SREBF2: variants seen among roughly 807,000 people sequenced by gnomAD.
The protein encoded by SREBF2 is sterol regulatory element-binding protein 2.
Under a neutral mutation model 113.1 loss-of-function variants are expected in SREBF2, and 55 were observed. That is an observed-to-expected ratio of 0.49 (90% CI 0.39 to 0.61). The LOEUF is 0.61. Ranked by LOEUF, SREBF2 falls within the 20% of genes least tolerant of loss-of-function variation. The pLI is 0.00. For synonymous variants in SREBF2, 593 were observed against 605.7 expected (o/e 0.98, Z 0.31); for missense variants, 1,349 against 1,487.4 (o/e 0.91, Z 1.53).
intron 1 of SREBF2, among the ~76,000 whole-genome samples, chr22:41,842,154 A>T (rs1169760101): frequency 6.6e-6 from 1 of 152,234 alleles, no homozygotes; most frequent in African/African-American, 2.4e-5. Flanking sequence ...TAGTACATTC[A>T]TATGAATCAA....
intron 11 of SREBF2, among the ~76,000 whole-genome samples, chr22:41,887,159 G>A (rs533853371): frequency 6.6e-6 from 1 of 152,060 alleles, no homozygotes; most frequent in Non-Finnish European, 1.5e-5. Context: ...AGGTTGTAAT[G>A]AGCCAAGATT....
Position 41,867,010 on chromosome 22 carries a change from C to T in SREBF2, c.268C>T (p.Arg90Trp), listed in dbSNP as rs1346881972. Reference sequence around the variant, plus strand: ...CGGAGCTGTGGACCCTTCAGTGCAACGGTCATTCACCCAGGTCACATTACC... The same window carrying T: ...CGGAGCTGTGGACCCTTCAGTGCAATGGTCATTCACCCAGGTCACATTACC... ...SSGAVDPSVQ[R>W]SFTQVTLPSF... The change falls in exon 2 of 19, where the codon CGG becomes TGG. Residue 90 changes from arginine (R) to tryptophan (W), a missense_variant. Arg to Trp is a moderately radical substitution (Grantham distance 101). Coordinates refer to ENST00000361204, the MANE Select transcript of SREBF2 (RefSeq NM_004599.4). The T allele has an allele frequency of 9.9e-6, 16 of 1,613,894 alleles. No individual in the cohort carries two copies. The highest frequency in any genetic ancestry group is 1.4e-5 in the Non-Finnish European group (16 of 1,179,908).
At chr22:41,834,036 TG>T (rs1291709331) in intron 1 of SREBF2, 1 of 152,660 alleles carries the variant, frequency 6.6e-6, no homozygotes, top group Non-Finnish European at 1.5e-5. Flanking sequence ...GGGTACGGGC[TG>T]GGGAGCGGGT....
intron 11 of SREBF2, among the ~76,000 whole-genome samples, chr22:41,888,125 A>C (rs1041918470): frequency 1.3e-5 from 2 of 152,224 alleles, no homozygotes; most frequent in Non-Finnish European, 2.9e-5. Flanking sequence ...GTGAGAGCAC[A>C]AGCTCTTAAT....
intron 1 of SREBF2, among the ~76,000 whole-genome samples, chr22:41,836,963 C>T (rs1342020825): frequency 6.6e-6 from 1 of 152,148 alleles, no homozygotes; most frequent in Non-Finnish European, 1.5e-5. Context: ...TCAGGGAGGC[C>T]ACATTCATTT....
At position 41,898,801 on chromosome 22, in the gene SREBF2, C is replaced by T; in HGVS notation, c.2738+20C>T. ...GACAGAGTGCGTAACCCTCCTTGGC[C>T]ACTCACTTGCTTCTCTCCAGGGGAA... On this transcript the variant is annotated intron_variant, in intron 15 of 18. Transcript: ENST00000361204. The T allele has an allele frequency of 1.2e-6, 2 of 1,613,382 alleles. No individual in the cohort carries two copies. The highest frequency in any genetic ancestry group is 1.7e-6 in the Non-Finnish European group (2 of 1,179,744).
chr22:41,862,421 G>C (rs527827146), intron 1 of SREBF2, among the ~76,000 whole-genome samples: 3 of 152,360 alleles, frequency 2.0e-5, no homozygotes, highest in African/African-American at 7.2e-5. Flanking sequence ...AGGAGCAGGG[G>C]AGTGAGATGA....
chr22:41,881,666 G>C (rs1007681509), intron 10 of SREBF2, among the ~76,000 whole-genome samples: 1 of 152,228 alleles, frequency 6.6e-6, no homozygotes, highest in Non-Finnish European at 1.5e-5. Flanking sequence ...GCAGTACTCA[G>C]ACCATGAAGG....
At chr22:41,845,746 GTTTA>G (rs2076871694) in intron 1 of SREBF2, among the ~76,000 whole-genome samples, 1 of 152,198 alleles carries the variant, frequency 6.6e-6, no homozygotes, top group Non-Finnish European at 1.5e-5. Flanking sequence ...CAGGCATGGT[GTTTA>G]TTTAGATAGA....
rs1315969857 is a variant in SREBF2 at position 41,841,356 on chromosome 22, T to G, written c.88+7998T>G. On this transcript the variant is annotated intron_variant, in intron 1 of 18. Transcript: ENST00000361204. The stretch of plus-strand genomic sequence containing the variant: ...AACGTTTGGGTTGAAAGAGCTGCTG[T>G]TGTCCACAGCTTATTTATTTTCCAC... Among the ~76,000 whole-genome samples the G allele has an allele frequency of 6.6e-5, 10 of 152,368 alleles. No homozygotes were observed. The South Asian group carries it at 2.1e-3, about 32-fold the overall frequency.
In SREBF2 at chr22:41,906,519, C is replaced by T. The variant is rs2146567843; in HGVS notation, c.*859C>T. 6.2e-6 allele frequency: 1 copy of T among 160,078 alleles called. No individual in the cohort carries two copies. Among genetic ancestry groups the T allele is most frequent in the Non-Finnish European group, 1.4e-5 (1 of 72,398 alleles). The allele number at this position is 160,078 out of a possible 1,614,324, so 9.9% of individuals were successfully genotyped here. A position where few individuals can be genotyped will look rare whatever the true frequency, so the allele number is the denominator to read the frequency against. On this transcript the variant is annotated 3_prime_UTR_variant, in exon 19 of 19. Coordinates refer to ENST00000361204, the MANE Select transcript of SREBF2 (RefSeq NM_004599.4). The stretch of plus-strand genomic sequence containing the variant: ...TTCTAGGTTCCCTCCTCCCCCTACC[C>T]CATCTCCTACCTCCACAGTACAGAC...
At chr22:41,876,047 G>A (rs2077195155) in intron 7 of SREBF2, among the ~76,000 whole-genome samples, 1 of 152,244 alleles carries the variant, frequency 6.6e-6, no homozygotes. Flanking sequence ...GCTTCACTCT[G>A]CCTTTAATGG....
intron 1 of SREBF2, among the ~76,000 whole-genome samples, chr22:41,862,312 G>A (rs1276582791): frequency 1.3e-5 from 2 of 152,168 alleles, no homozygotes; most frequent in Non-Finnish European, 2.9e-5. Context: ...TCTAATTTTG[G>A]TTATTTGCTT....
intron 1 of SREBF2, chr22:41,834,687 T>A (rs564374664): frequency 6.6e-6 from 1 of 152,422 alleles, no homozygotes; most frequent in Non-Finnish European, 1.5e-5. Context: ...CCTTGGTTTG[T>A]CCTTGATTTC....
chr22:41,837,469 A>G (rs1232625469), intron 1 of SREBF2, among the ~76,000 whole-genome samples: 2 of 151,786 alleles, frequency 1.3e-5, no homozygotes, highest in African/African-American at 4.8e-5. Context: ...GAGACAGGAG[A>G]ATCACTTGAA....
intron 17 of SREBF2, among the ~76,000 whole-genome samples, chr22:41,904,049 C>CT (rs1171591823): frequency 6.6e-6 from 1 of 152,178 alleles, no homozygotes; most frequent in Non-Finnish European, 1.5e-5. Context: ...CATCAGTGGC[C>CT]TTTTTTTCAT....
chr22:41,872,965 A>G (rs368737819), intron 4 of SREBF2, among the ~76,000 whole-genome samples: 5 of 152,318 alleles, frequency 3.3e-5, no homozygotes, highest in African/African-American at 7.2e-5. Context: ...TGGGAGGCCA[A>G]GGCGGGTGGA....
intron 1 of SREBF2, among the ~76,000 whole-genome samples, chr22:41,860,742 C>T (rs1018281019): frequency 1.3e-5 from 2 of 152,028 alleles, no homozygotes; most frequent in Non-Finnish European, 2.9e-5. Context: ...TAAAGTTAGC[C>T]AGGTTTGGTG....
At position 41,833,420 on chromosome 22, in the gene SREBF2, G is replaced by T; in HGVS notation, c.88+62G>T. The T allele has an allele frequency of 7.0e-7, 1 of 1,430,854 alleles. No homozygotes were observed. Among genetic ancestry groups the T allele is most frequent in the Non-Finnish European group, 9.5e-7 (1 of 1,057,602 alleles). The allele number at this position is 1,430,854 out of a possible 1,614,324, so 88.6% of individuals were successfully genotyped here. On this transcript the variant is annotated intron_variant, in intron 1 of 18. Coordinates refer to ENST00000361204, the MANE Select transcript of SREBF2 (RefSeq NM_004599.4). This position sits in a 1 kb window ranked among gnomAD's most constrained non-coding sequence, Gnocchi z 4.1. ...GGGGAGGAAGGGGTTACGGCGGCGC[G>T]CCCGGGTGCGCGTGCGCCCACCCCC...
Sources: allele counts gnomAD v4.1 joint callset (sites outside exome capture counted in the v4.1 genomes callset), GRCh38; gene constraint gnomAD v4.1.1; non-coding constraint Gnocchi (gnomAD v3.1); transcripts MANE v1.5; gene names NCBI Gene and HGNC (gene_info 2026-07-23, HGNC 2026-07-21).